Variants in DPEP1 observed in about 807,000 individuals in gnomAD.
DPEP1 encodes beta-lactamase.
In DPEP1, 50 loss-of-function variants were observed where a neutral mutation model predicts 42.3. The observed-to-expected ratio is 1.18, with a 90% CI of 0.94 to 1.50. The LOEUF is 1.50. DPEP1 is among the 40% of genes most tolerant of loss of function. The probability of loss-of-function intolerance (pLI) is 0.00; values close to 1 mark genes in which losing one functional copy is unlikely to be tolerated. For missense variants in DPEP1, 663 were observed against 553.0 expected, an observed-to-expected ratio of 1.20 and a Z score of -1.99; for synonymous variants, 297 against 234.0, an observed-to-expected ratio of 1.27 and a Z score of -2.46.
chr16:89,630,470 G>A lies in DPEP1; in HGVS notation c.60G>A (p.Arg20=), dbSNP rs977086754. ...CCGTCTGCACTGCAGACTTCTTTCG[G>A]GACGAGGCAGAGAGGATCATGAGGG... ...LVAVCTADFF[R]DEAERIMRDS... is the part of the protein sequence containing the mutation. The change falls in exon 2 of 11, where the codon CGG becomes CGA. Residue 20 remains arginine, a synonymous_variant. Transcript: ENST00000690203. The A allele has an allele frequency of 5.6e-6, 9 of 1,610,370 alleles. No individual in the cohort carries two copies. Among genetic ancestry groups the A allele is most frequent in the Non-Finnish European group, 7.6e-6 (9 of 1,178,730 alleles).
intron 2 of DPEP1, among the ~76,000 whole-genome samples, chr16:89,634,712 C>T (rs2059642097): frequency 7.6e-6 from 1 of 131,288 alleles, no homozygotes; most frequent in South Asian, 2.3e-4. Flanking sequence ...CTTTCCCTTC[C>T]TTCCCTTTCC....
chr16:89,623,928 C>T (rs928221296), intron 1 of DPEP1, among the ~76,000 whole-genome samples: 2 of 152,100 alleles, frequency 1.3e-5, no homozygotes, highest in East Asian at 1.9e-4. Flanking sequence ...CGTGGCGCTC[C>T]GAGGAAAGAG....
chr16:89,615,053 T>G (rs1176079291), intron 1 of DPEP1, among the ~76,000 whole-genome samples: 2 of 152,026 alleles, frequency 1.3e-5, no homozygotes, highest in Non-Finnish European at 1.5e-5. Context: ...AGAAGCTCAG[T>G]GGGTGTCATG....
At chr16:89,616,826 G>A in intron 1 of DPEP1, 1 of 265,112 alleles carries the variant, frequency 3.8e-6, no homozygotes, top group Non-Finnish European at 7.5e-6. Flanking sequence ...CCAGGAAGTG[G>A]CCAGGAAGCG....
chr16:89,617,253 CA>C (rs1290550208), intron 1 of DPEP1, among the ~76,000 whole-genome samples: 1 of 152,082 alleles, frequency 6.6e-6, no homozygotes, highest in Non-Finnish European at 1.5e-5. Flanking sequence ...GCCCTGAGGA[CA>C]CTGCATGAAG....
At chr16:89,626,394 T>A (rs1437840691) in intron 1 of DPEP1, 3 of 152,152 alleles carry the variant, frequency 2.0e-5, no homozygotes, top group Admixed American at 1.3e-4. Context: ...TTGCCCAAGC[T>A]GGCTGGAGTG....
At chr16:89,639,586 G>A (rs531612017), downstream of DPEP1, among the ~76,000 whole-genome samples, 33 of 102,480 alleles carry the variant, frequency 3.2e-4, no homozygotes, top group Non-Finnish European at 5.5e-4. Context: ...AACCCTGCAC[G>A]AGCAACCCCA....
chr16:89,614,560 C>T (rs552497421), intron 1 of DPEP1, among the ~76,000 whole-genome samples: 5 of 152,142 alleles, frequency 3.3e-5, no homozygotes, highest in African/African-American at 7.2e-5. Flanking sequence ...TGTGGGAGGC[C>T]GAGGTGGGCA....
At chr16:89,638,525 T>C (rs977659769), downstream of DPEP1, 1 of 1,197,974 alleles carries the variant, frequency 8.3e-7, no homozygotes, top group Non-Finnish European at 1.0e-6. Flanking sequence ...CCTGTGATCC[T>C]GGATCGAGTC....
intron 2 of DPEP1, among the ~76,000 whole-genome samples, chr16:89,635,156 CTTCCTTCCCTTTCCCT>C (rs2059657571): frequency 7.0e-5 from 3 of 42,804 alleles, no homozygotes; most frequent in South Asian, 7.0e-4. Context: ...CTCCTTTCCC[CTTCCTTCCCTTTCCCT>C]TCCTTCTCCT....
At chr16:89,636,980 AG>A (rs2059689330) in intron 6 of DPEP1, 45 bp downstream of exon 6, 1 of 1,604,604 alleles carries the variant, frequency 6.2e-7, no homozygotes, top group Admixed American at 1.7e-5. Context: ...GAGAAGGCAG[AG>A]GCCCTGGAGG....
At chr16:89,624,644 C>G (rs1051959411) in intron 1 of DPEP1, among the ~76,000 whole-genome samples, 1 of 151,974 alleles carries the variant, frequency 6.6e-6, no homozygotes, top group African/African-American at 2.4e-5. Context: ...AAGCGATTCT[C>G]CAGCCTCAGC....
rs1401351973 is a variant in DPEP1, at chr16:89,630,501, C to G, written c.91C>G (p.Pro31Ala). Residue 31 changes from proline (P) to alanine (A), a missense_variant, in exon 2 of 11, where the codon CCT (proline) becomes GCT (alanine). Coordinates refer to ENST00000690203, the MANE Select transcript of DPEP1 (RefSeq NM_001389466.1). ...DEAERIMRDS[P>A]VIDGHNDLPW... is the part of the protein sequence containing the mutation. ...GGCAGAGAGGATCATGAGGGACTCC[C>G]CTGTCATTGATGGGTGAGTGCTCAC... The G allele has an allele frequency of 1.3e-6, 2 of 1,594,180 alleles. No individual in the cohort carries two copies. Among genetic ancestry groups the G allele is most frequent in the African/African-American group, 2.8e-5 (2 of 72,472 alleles).
chr16:89,636,159 C>T (rs931045442), intron 3 of DPEP1, 105 bp from the exon 4 acceptor site: 84 of 1,547,548 alleles, frequency 5.4e-5, no homozygotes, highest in African/African-American at 1.2e-4. Flanking sequence ...GTGCCCAGGC[C>T]GAGGGAGGGC....
chr16:89,630,549 C>T (rs200733262), intron 2 of DPEP1, 35 bp downstream of exon 2: 65 of 1,324,248 alleles, frequency 4.9e-5, no homozygotes, highest in Non-Finnish European at 6.5e-5. Flanking sequence ...CTTAGGGAAC[C>T]AGGACTGGGA....
Position 89,637,530 on chromosome 16 carries a change from G to A in DPEP1, c.831G>A (p.Lys277=), listed in dbSNP as rs922058445. 1 of 1,612,698 alleles carries A rather than the reference G, an allele frequency of 6.2e-7. No homozygotes were observed. The highest frequency in any genetic ancestry group is 1.3e-5 in the African/African-American group (1 of 74,934). ...ACAATTACATTTCCTGCACCAACAAGGCCAACCTGTCCCAAGTGGCCGGTA... is the reference window on the plus strand; with the variant it reads ...ACAATTACATTTCCTGCACCAACAAAGCCAACCTGTCCCAAGTGGCCGGTA... The part of the protein sequence containing the change: ...FYNNYISCTN[K]ANLSQVADHL... Residue 277 remains lysine, a synonymous_variant, in exon 8 of 11, where the codon AAG becomes AAA. Coordinates refer to ENST00000690203, the MANE Select transcript of DPEP1 (RefSeq NM_001389466.1).
At chr16:89,640,936 G>A (rs1274338009), downstream of DPEP1, among the ~76,000 whole-genome samples, 6 of 152,212 alleles carry the variant, frequency 3.9e-5, no homozygotes, top group Non-Finnish European at 8.8e-5. Context: ...AAGGGGCAGG[G>A]TCAGGAGTGT....
At chr16:89,638,745 C>G (rs546079485), downstream of DPEP1, among the ~76,000 whole-genome samples, 20 of 126,694 alleles carry the variant, frequency 1.6e-4, no homozygotes, top group East Asian at 4.4e-3. Flanking sequence ...CACCCCTGCA[C>G]ACACACACAC....
Position 89,630,387 on chromosome 16 carries a change from A to G in DPEP1, c.-24A>G. 6 of 1,599,834 alleles carry G rather than the reference A, an allele frequency of 3.8e-6. No individual in the cohort carries two copies. The highest frequency in any genetic ancestry group is 5.1e-6 in the Non-Finnish European group (6 of 1,170,120). On this transcript the variant is annotated 5_prime_UTR_variant, in exon 2 of 11. Transcript: ENST00000690203. ...CACAGAGGCACCAGGGCAGCAGTGC[A>G]CACAGGTCCCCGGGGACCCCACCAT...
Sources: allele counts gnomAD v4.1 joint callset (sites outside exome capture counted in the v4.1 genomes callset), GRCh38; gene constraint gnomAD v4.1.1; transcripts MANE v1.5; gene names NCBI Gene and HGNC (gene_info 2026-07-23, HGNC 2026-07-21).